Variants in KIF13B observed in about 807,000 individuals in gnomAD.
The protein encoded by KIF13B is kinesin family member 13B, also known as kinesin-like protein KIF13B.
KIF13B carries 127 observed loss-of-function variants against 222.0 expected under a neutral mutation model. The observed-to-expected ratio is 0.57, with a 90% confidence interval of 0.50 to 0.66. KIF13B has a LOEUF of 0.66. Among genes scored for constraint, KIF13B ranks in the 30% least tolerant of loss-of-function variants. The probability of loss-of-function intolerance (pLI) is 0.00; values close to 1 mark genes in which losing one functional copy is unlikely to be tolerated. For missense variants in KIF13B, 2,173 were observed against 2,379.0 expected (o/e 0.91, Z 1.80); for synonymous variants, 976 against 919.0 (o/e 1.06, Z -1.12).
At chr8:29,260,773 C>T (rs577251806) in intron 1 of KIF13B, among the ~76,000 whole-genome samples, 8 of 152,168 alleles carry the variant, frequency 5.3e-5, no homozygotes, top group South Asian at 2.1e-4. Context: ...TCCACCACCA[C>T]GCCCGGCTAA....
rs537563128 is a variant in KIF13B at position 29,113,385 on chromosome 8, C to A, written c.3930+78G>T. 5 of 800,700 alleles carry A rather than the reference C, an allele frequency of 6.2e-6. No homozygotes were observed. The South Asian group carries it at 6.5e-5, about 10-fold the overall frequency. The allele number at this position is 800,700 out of a possible 1,614,324, so 49.6% of individuals were successfully genotyped here. On this transcript the variant is annotated intron_variant, in intron 32 of 39. Transcript: ENST00000524189. ...ATACACTTTCACTTCATATGTATGT[C>A]ATGGGTAGGTCACTTTTCAGGGAGT...
intron 29 of KIF13B, 54 bp downstream of exon 29, chr8:29,122,537 A>T: frequency 7.0e-7 from 1 of 1,424,662 alleles, no homozygotes; most frequent in Non-Finnish European, 9.8e-7. Flanking sequence ...TCTACATGTT[A>T]TGTAGGCACT....
At chr8:29,203,892 CA>C (rs11432771) in intron 2 of KIF13B, among the ~76,000 whole-genome samples, 1,139 of 66,128 alleles carry the variant, frequency 0.017, 12 homozygotes, top group African/African-American at 0.068. Context: ...AGTTCCGTCT[CA>C]AAAAAAAAAA....
At chr8:29,225,119 T>C (rs558501710) in intron 2 of KIF13B, among the ~76,000 whole-genome samples, 22 of 152,314 alleles carry the variant, frequency 1.4e-4, no homozygotes, top group African/African-American at 4.8e-4. Context: ...CACAAGGTCT[T>C]TGTTGTCTGT....
chr8:29,154,938 C>T (rs1470371485), intron 14 of KIF13B, among the ~76,000 whole-genome samples: 1 of 152,118 alleles, frequency 6.6e-6, no homozygotes, highest in Non-Finnish European at 1.5e-5. Flanking sequence ...TAAAATGAAA[C>T]AAATTAGCAT....
At chr8:29,200,939 A>T (rs181072181) in intron 2 of KIF13B, among the ~76,000 whole-genome samples, 1 of 152,348 alleles carries the variant, frequency 6.6e-6, no homozygotes, top group East Asian at 1.9e-4. Context: ...TGCATGTGCC[A>T]TTACTGATCA....
intron 10 of KIF13B, among the ~76,000 whole-genome samples, chr8:29,170,745 G>A (rs763836378): frequency 1.3e-5 from 2 of 152,142 alleles, no homozygotes; most frequent in African/African-American, 4.8e-5. Flanking sequence ...AAAGGGGTCA[G>A]CTCATAAAGG....
intron 32 of KIF13B, 42 bp from the exon 33 acceptor site, chr8:29,110,112 TACACACACACACGTACACGCGTGC>T: frequency 1.3e-6 from 2 of 1,499,774 alleles, no homozygotes; most frequent in Non-Finnish European, 1.8e-6. Context: ...CTTCTTGATG[TACACACACACACGTACACGCGTGC>T]ACACACAGAC....
At chr8:29,157,925 A>G (rs1311018336) in intron 13 of KIF13B, among the ~76,000 whole-genome samples, 1 of 151,816 alleles carries the variant, frequency 6.6e-6, no homozygotes, top group Non-Finnish European at 1.5e-5. Flanking sequence ...CTTACAAAGC[A>G]TTCTACAACC....
chr8:29,074,894 C>T (rs1431561274), intron 38 of KIF13B, among the ~76,000 whole-genome samples: 1 of 152,218 alleles, frequency 6.6e-6, no homozygotes, highest in East Asian at 1.9e-4. Flanking sequence ...TTATAAGAGA[C>T]TATTTTCTCC....
chr8:29,157,277 G>A (rs1453132230), intron 13 of KIF13B, among the ~76,000 whole-genome samples: 1 of 151,688 alleles, frequency 6.6e-6, no homozygotes. Context: ...TTCTAAGAGT[G>A]GGCATGGTAG....
chr8:29,180,913 G>A (rs1048664315), intron 7 of KIF13B, among the ~76,000 whole-genome samples: 1 of 151,912 alleles, frequency 6.6e-6, no homozygotes, highest in African/African-American at 2.4e-5. Flanking sequence ...TGCCTTACAA[G>A]GATCTTAATG....
At chr8:29,139,000 CAGATA>C (rs1810688204) in intron 21 of KIF13B, among the ~76,000 whole-genome samples, 1 of 152,026 alleles carries the variant, frequency 6.6e-6, no homozygotes, top group African/African-American at 2.4e-5. Context: ...GAACTATTTA[CAGATA>C]AGATATGATG....
chr8:29,173,318 T>G (rs768578797), intron 10 of KIF13B, among the ~76,000 whole-genome samples: 7 of 152,036 alleles, frequency 4.6e-5, no homozygotes, highest in Non-Finnish European at 7.4e-5. Flanking sequence ...AGAAGAAGTA[T>G]CTTATCAAGA....
intron 35 of KIF13B, among the ~76,000 whole-genome samples, chr8:29,103,024 C>T (rs948895590): frequency 6.6e-6 from 1 of 152,072 alleles, no homozygotes; most frequent in African/African-American, 2.4e-5. Flanking sequence ...AGGCAGATCA[C>T]GAGGTCAGGA....
At chr8:29,151,811 C>T (rs181618345) in intron 14 of KIF13B, among the ~76,000 whole-genome samples, 63 of 131,072 alleles carry the variant, frequency 4.8e-4, no homozygotes, top group Middle Eastern at 4.3e-3. Context: ...ACAACATCCA[C>T]TCTGCAGCCC....
At position 29,099,238 on chromosome 8, in the gene KIF13B, G is replaced by C; in HGVS notation, c.4219C>G (p.Arg1407Gly). 1 of 1,606,754 alleles carries C rather than the reference G, an allele frequency of 6.2e-7. No homozygotes were observed. The highest frequency in any genetic ancestry group is 8.5e-7 in the Non-Finnish European group (1 of 1,176,362). ...GATACATCCTGCTGACTTTCCCACCGGCCCTAGTAAAGACAAAATTGGCAA... is the reference window on the plus strand; with the variant it reads ...GATACATCCTGCTGACTTTCCCACCCGCCCTAGTAAAGACAAAATTGGCAA... ...PSYSLGSNKG[R>G]WESQQDVSQT... The change falls in exon 36 of 40, where the codon CGG (arginine) becomes GGG (glycine). Residue 1407 changes from arginine (R) to glycine (G), a missense_variant. Physicochemically the swap from Arg to Gly is moderately radical, Grantham distance 125. Transcript: ENST00000524189.
intron 2 of KIF13B, among the ~76,000 whole-genome samples, chr8:29,231,533 G>A (rs188878746): frequency 1.6e-3 from 251 of 152,300 alleles, no homozygotes; most frequent in Non-Finnish European, 2.6e-3. Flanking sequence ...TTCTGTTGTG[G>A]TAACACTGGA....
chr8:29,103,268 A>G (rs1424570501), intron 35 of KIF13B, among the ~76,000 whole-genome samples: 2 of 151,780 alleles, frequency 1.3e-5, no homozygotes, highest in Non-Finnish European at 2.9e-5. Flanking sequence ...AACAAGTAAA[A>G]CAACAATAAC....
Sources: allele counts gnomAD v4.1 joint callset (sites outside exome capture counted in the v4.1 genomes callset), GRCh38; gene constraint gnomAD v4.1.1; transcripts MANE v1.5; gene names NCBI Gene and HGNC (gene_info 2026-07-23, HGNC 2026-07-21).